KIFBP: variants seen among roughly 807,000 people sequenced by gnomAD.
KIFBP encodes KIF-binding protein.
Under a neutral mutation model 58.9 loss-of-function variants are expected in KIFBP, and 46 were observed. The ratio of observed to expected loss-of-function variants is 0.78; its 90% CI spans 0.62 to 1.00. KIFBP has a LOEUF of 1.00. KIFBP is among the 50% of genes least tolerant of loss of function. The probability of loss-of-function intolerance (pLI) is 0.00; values close to 1 mark genes in which losing one functional copy is unlikely to be tolerated. For synonymous variants in KIFBP, 241 were observed against 283.4 expected (o/e 0.85, Z 1.50); for missense variants, 651 against 752.9 (o/e 0.86, Z 1.58).
chr10:68,992,685 A>G (rs1757242298), intron 1 of KIFBP, among the ~76,000 whole-genome samples: 1 of 152,110 alleles, frequency 6.6e-6, no homozygotes, highest in Non-Finnish European at 1.5e-5. Flanking sequence ...CTTTTTTTGA[A>G]GAGGAGGATG....
chr10:69,016,706 T>A lies in KIFBP; in HGVS notation c.*290T>A. On this transcript the variant is annotated 3_prime_UTR_variant, in exon 7 of 7. Transcript: ENST00000361983. Reference sequence around the variant, plus strand: ...CCTCAGTTTCTAAATGTAGACTATTTGTTGGCTAGTACTTGATAGATTCCT... The same window carrying A: ...CCTCAGTTTCTAAATGTAGACTATTAGTTGGCTAGTACTTGATAGATTCCT... 2.8e-6 allele frequency: 1 copy of A among 355,240 alleles called. No homozygotes were observed. 22.0% of individuals were successfully genotyped at this position (355,240 alleles called of 1,614,324 possible).
Position 69,005,103 on chromosome 10 carries a change from A to C in KIFBP, c.583A>C (p.Thr195Pro). Residue 195 changes from threonine (T) to proline (P), a missense_variant, in exon 3 of 7, where the codon ACT becomes CCT. Thr to Pro is a conservative substitution (Grantham distance 38). Coordinates refer to ENST00000361983, the MANE Select transcript of KIFBP (RefSeq NM_015634.4). ...TTTTCTTCCTGAAGAAGAGAAACTT[A>C]CTGAACAAGAGAGATCAAAAAGGTG... Reference protein sequence around the residue: ...ERFLPEEEKLTEQERSKRFEK... With the variant: ...ERFLPEEEKLPEQERSKRFEK... 4 of 1,612,942 alleles carry C rather than the reference A, an allele frequency of 2.5e-6. No homozygotes were observed. Among genetic ancestry groups the C allele is most frequent in the Non-Finnish European group, 3.4e-6 (4 of 1,178,950 alleles).
At chr10:68,993,201 G>C (rs957789160) in intron 1 of KIFBP, among the ~76,000 whole-genome samples, 1 of 152,050 alleles carries the variant, frequency 6.6e-6, no homozygotes, top group Non-Finnish European at 1.5e-5. Flanking sequence ...CTGTGTCTTG[G>C]CTTGTTTAGT....
chr10:69,012,108 G>A (rs889153741), intron 6 of KIFBP, among the ~76,000 whole-genome samples: 6 of 152,138 alleles, frequency 3.9e-5, no homozygotes, highest in African/African-American at 1.4e-4. Context: ...AAAAATAGAA[G>A]CAGAACTGAT....
intron 2 of KIFBP, among the ~76,000 whole-genome samples, chr10:69,002,351 G>T (rs910151175): frequency 9.2e-5 from 14 of 151,628 alleles, no homozygotes; most frequent in Admixed American, 4.6e-4. Context: ...TAGAGACCGG[G>T]TTTCACCATG....
chr10:69,016,651 T>A lies in KIFBP; in HGVS notation c.*235T>A. 1 of 494,064 alleles carries A rather than the reference T, an allele frequency of 2.0e-6. No individual in the cohort carries two copies. The highest frequency in any genetic ancestry group is 3.6e-6 in the Non-Finnish European group (1 of 277,700). 30.6% of individuals were successfully genotyped at this position (494,064 alleles called of 1,614,324 possible). On this transcript the variant is annotated 3_prime_UTR_variant, in exon 7 of 7. Coordinates refer to ENST00000361983, the MANE Select transcript of KIFBP (RefSeq NM_015634.4). ...ACATGTGATTTGTATTTTAGATGCT[T>A]GTTTCCTATTAAAATACAGACATTT...
At chr10:68,991,447 G>A in intron 1 of KIFBP, 2 of 390,604 alleles carry the variant, frequency 5.1e-6, no homozygotes, top group Non-Finnish European at 1.1e-5. Context: ...TATCTGTCCA[G>A]AAACCAGAGC....
intron 3 of KIFBP, 116 bp downstream of exon 3, chr10:69,005,241 T>A (rs900525319): frequency 2.6e-6 from 2 of 758,414 alleles, no homozygotes; most frequent in Non-Finnish European, 4.6e-6. Context: ...GAGTAAAACC[T>A]CCATTTACCA....
At chr10:69,014,636 G>A (rs1397828268) in intron 6 of KIFBP, among the ~76,000 whole-genome samples, 1 of 151,876 alleles carries the variant, frequency 6.6e-6, no homozygotes, top group African/African-American at 2.4e-5. Context: ...AAGGCCTTGG[G>A]ATCTATTATT....
chr10:69,009,313 T>G (rs1589297342), intron 5 of KIFBP, among the ~76,000 whole-genome samples: 2 of 151,966 alleles, frequency 1.3e-5, no homozygotes, highest in Non-Finnish European at 2.9e-5. Context: ...ATCAACATAG[T>G]GAGACCCCAT....
intron 1 of KIFBP, among the ~76,000 whole-genome samples, chr10:68,992,293 CTTTTAAAAA>C (rs1843358589): frequency 6.6e-6 from 1 of 152,142 alleles, no homozygotes; most frequent in Non-Finnish European, 1.5e-5. Flanking sequence ...TGTGTCTGGC[CTTTTAAAAA>C]TTTTTGCATG....
At chr10:68,991,371 G>A (rs2255855) in intron 1 of KIFBP, 19,460 of 288,500 alleles carry the variant, frequency 0.067, 907 homozygotes, top group African/African-American at 0.15. Flanking sequence ...GGTGTTGATC[G>A]GTGTATACAC....
chr10:69,013,804 C>T (rs1401232999), intron 6 of KIFBP, among the ~76,000 whole-genome samples: 1 of 152,154 alleles, frequency 6.6e-6, no homozygotes, highest in East Asian at 1.9e-4. Context: ...GGCTGGAGTG[C>T]AGTGGCATGA....
chr10:68,998,454 G>A (rs1234744908), intron 1 of KIFBP, among the ~76,000 whole-genome samples: 1 of 150,568 alleles, frequency 6.6e-6, no homozygotes, highest in African/African-American at 2.5e-5. Context: ...CTATAATACT[G>A]CTACAATTTA....
intron 4 of KIFBP, 58 bp from the exon 5 acceptor site, chr10:69,008,783 T>C: frequency 8.0e-7 from 1 of 1,250,530 alleles, no homozygotes; most frequent in Non-Finnish European, 1.2e-6. Context: ...TATGCAAGTA[T>C]CAGTTGCAAA....
intron 3 of KIFBP, among the ~76,000 whole-genome samples, chr10:69,005,501 C>A (rs1189323181): frequency 6.6e-6 from 1 of 151,940 alleles, no homozygotes. Flanking sequence ...TATGGTGAAA[C>A]CCCGTCTCTA....
At chr10:69,003,710 T>C (rs779521040) in intron 2 of KIFBP, among the ~76,000 whole-genome samples, 72 of 152,168 alleles carry the variant, frequency 4.7e-4, no homozygotes, top group Non-Finnish European at 9.6e-4. Context: ...AATAATGGAA[T>C]CTGGTTTTAA....
At chr10:69,004,594 G>A (rs988512884) in intron 2 of KIFBP, among the ~76,000 whole-genome samples, 36 of 151,676 alleles carry the variant, frequency 2.4e-4, no homozygotes, top group African/African-American at 8.0e-4. Context: ...CGGGTGCAGT[G>A]GCTCACGCCT....
chr10:68,999,638 T>G (rs532488438), intron 1 of KIFBP: 24 of 152,252 alleles, frequency 1.6e-4, no homozygotes, highest in Admixed American at 1.5e-3. Context: ...CAGGATTCAG[T>G]TCCTCACAGG....
Sources: gnomAD v4.1 joint callset for allele counts (sites outside exome capture counted in the v4.1 genomes callset) on GRCh38, gnomAD v4.1.1 for gene constraint, MANE v1.5 for transcripts, NCBI Gene and HGNC (gene_info 2026-07-23, HGNC 2026-07-21) for gene names.